Variants in SLC10A7 observed in about 807,000 individuals in gnomAD.
The protein encoded by SLC10A7 is solute carrier family 10 member 7.
SLC10A7 carries 29 observed loss-of-function variants against 43.2 expected under a neutral mutation model. The ratio of observed to expected loss-of-function variants is 0.67; its 90% CI spans 0.50 to 0.92. The LOEUF (loss-of-function observed/expected upper bound fraction) is 0.92, where lower values mean the gene tolerates loss of function less well. SLC10A7 is among the 40% of genes least tolerant of loss of function. The pLI, the probability that SLC10A7 is intolerant of heterozygous loss-of-function variation, is 0.00. For missense variants in SLC10A7, 295 were observed against 403.2 expected (o/e 0.73, Z 2.30); for synonymous variants, 152 against 144.8 (o/e 1.05, Z -0.35).
At chr4:146,293,697 C>T (rs1043543816) in intron 8 of SLC10A7, among the ~76,000 whole-genome samples, 27 of 152,054 alleles carry the variant, frequency 1.8e-4, no homozygotes, top group Admixed American at 1.8e-3. Flanking sequence ...ACATCAACTA[C>T]TATAAATCAG....
At chr4:146,296,271 T>C (rs1188369429) in intron 7 of SLC10A7, among the ~76,000 whole-genome samples, 3 of 152,170 alleles carry the variant, frequency 2.0e-5, no homozygotes, top group Non-Finnish European at 4.4e-5. Flanking sequence ...CTTTTAAAAT[T>C]TTGTATTATT....
intron 5 of SLC10A7, among the ~76,000 whole-genome samples, chr4:146,412,173 T>C (rs1728244372): frequency 6.6e-6 from 1 of 152,102 alleles, no homozygotes. Context: ...AATTACGTGA[T>C]AGAATATAAT....
At chr4:146,263,054 C>A (rs920271868) in intron 10 of SLC10A7, among the ~76,000 whole-genome samples, 3 of 152,260 alleles carry the variant, frequency 2.0e-5, no homozygotes, top group Admixed American at 2.0e-4. Context: ...CCATCCTTGG[C>A]CACGTGCCAT....
chr4:146,416,281 A>T (rs1218891768), intron 5 of SLC10A7, among the ~76,000 whole-genome samples: 1 of 152,222 alleles, frequency 6.6e-6, no homozygotes, highest in Non-Finnish European at 1.5e-5. Context: ...ATGCTTGTCA[A>T]TAGAGTAATG....
intron 4 of SLC10A7, among the ~76,000 whole-genome samples, chr4:146,487,053 T>C (rs1041092419): frequency 6.6e-6 from 1 of 152,216 alleles, no homozygotes; most frequent in Non-Finnish European, 1.5e-5. Context: ...TCCTGTTCCA[T>C]TGACCAGGTC....
chr4:146,515,200 A>C, intron 2 of SLC10A7: 1 of 702,262 alleles, frequency 1.4e-6, no homozygotes, highest in South Asian at 1.5e-5. Context: ...CCATGGCACA[A>C]GTAACAGCTG....
At chr4:146,444,533 T>G (rs768678259) in intron 4 of SLC10A7, among the ~76,000 whole-genome samples, 6 of 152,208 alleles carry the variant, frequency 3.9e-5, no homozygotes, top group Non-Finnish European at 8.8e-5. Flanking sequence ...TATGAGTATA[T>G]AACAACTACT....
At chr4:146,378,476 G>A (rs1321174821) in intron 5 of SLC10A7, among the ~76,000 whole-genome samples, 1 of 152,132 alleles carries the variant, frequency 6.6e-6, no homozygotes, top group Non-Finnish European at 1.5e-5. Flanking sequence ...GATTACCAGG[G>A]TGCTAAGGAC....
intron 2 of SLC10A7, among the ~76,000 whole-genome samples, chr4:146,511,390 T>C (rs1737447522): frequency 6.6e-6 from 1 of 152,206 alleles, no homozygotes; most frequent in Admixed American, 6.5e-5. Flanking sequence ...TAAAACATAT[T>C]CAACTATGCC....
At chr4:146,360,754 G>A (rs1350465348) in intron 5 of SLC10A7, among the ~76,000 whole-genome samples, 2 of 152,130 alleles carry the variant, frequency 1.3e-5, no homozygotes, top group African/African-American at 4.8e-5. Context: ...ACCATGCCCA[G>A]CCTCTCTTTC....
chr4:146,376,183 AG>A, intron 5 of SLC10A7, among the ~76,000 whole-genome samples: 1 of 152,254 alleles, frequency 6.6e-6, no homozygotes, highest in South Asian at 2.1e-4. Flanking sequence ...CCTCATCCTG[AG>A]GCTATCTAGG....
rs147815140 is a variant in SLC10A7, at chr4:146,348,234, G to A, written c.436-22238C>T. 4.1e-3 allele frequency among the ~76,000 whole-genome samples: 619 copies of A among 152,260 alleles called. 3 individuals are homozygous for A. Among genetic ancestry groups the A allele is most frequent in the Middle Eastern group, 6.8e-3 (2 of 294 alleles). ...TGAGGTGAGAGTTTTCATTCTAAATGAATGAAGTATGTTTACAAACTGACC... is the reference window on the plus strand; with the variant it reads ...TGAGGTGAGAGTTTTCATTCTAAATAAATGAAGTATGTTTACAAACTGACC... On this transcript the variant is annotated intron_variant, in intron 5 of 11. Transcript: ENST00000335472.
chr4:146,430,684 G>T (rs962988413), intron 5 of SLC10A7, among the ~76,000 whole-genome samples: 1 of 152,056 alleles, frequency 6.6e-6, no homozygotes, highest in African/African-American at 2.4e-5. Context: ...CAAGTGTAGG[G>T]TTCTAGCAAA....
At chr4:146,345,274 C>T (rs1734540165) in intron 5 of SLC10A7, among the ~76,000 whole-genome samples, 1 of 152,082 alleles carries the variant, frequency 6.6e-6, no homozygotes, top group South Asian at 2.1e-4. Flanking sequence ...GAGACCAATG[C>T]TACATCTAGG....
chr4:146,394,915 C>T (rs574069885), intron 5 of SLC10A7, among the ~76,000 whole-genome samples: 5 of 152,242 alleles, frequency 3.3e-5, no homozygotes, highest in African/African-American at 1.2e-4. Context: ...AAATACATGA[C>T]CTTTGTTCAG....
chr4:146,515,068 T>C, intron 2 of SLC10A7: 1 of 700,182 alleles, frequency 1.4e-6, no homozygotes, highest in East Asian at 2.7e-5. Context: ...CTTAGAGAAA[T>C]GCTGACAGCT....
intron 5 of SLC10A7, among the ~76,000 whole-genome samples, chr4:146,434,570 T>C (rs1243364856): frequency 6.6e-6 from 1 of 152,024 alleles, no homozygotes; most frequent in Non-Finnish European, 1.5e-5. Flanking sequence ...TTTTATTTTT[T>C]GTTTTTGTTC....
chr4:146,345,337 A>C (rs1734545323), intron 5 of SLC10A7, among the ~76,000 whole-genome samples: 1 of 152,156 alleles, frequency 6.6e-6, no homozygotes, highest in African/African-American at 2.4e-5. Context: ...GGGAGACTAC[A>C]ACACAGTTTC....
chr4:146,434,115 G>T (rs1730012085), intron 5 of SLC10A7, among the ~76,000 whole-genome samples: 1 of 151,808 alleles, frequency 6.6e-6, no homozygotes, highest in African/African-American at 2.4e-5. Context: ...GTAGAAATAA[G>T]AATATGAGAA....
Sources: allele counts gnomAD v4.1 joint callset (sites outside exome capture counted in the v4.1 genomes callset), GRCh38; gene constraint gnomAD v4.1.1; transcripts MANE v1.5; gene names NCBI Gene and HGNC (gene_info 2026-07-23, HGNC 2026-07-21).